Variants in UTS2B observed in about 807,000 individuals in gnomAD.
The protein encoded by UTS2B is urotensin-2B.
In UTS2B, 21 loss-of-function variants were observed where a neutral mutation model predicts 19.2. The ratio of observed to expected loss-of-function variants is 1.09; its 90% CI spans 0.78 to 1.58. The LOEUF is 1.58. UTS2B is among the 40% of genes most tolerant of loss of function. The pLI is 0.00. For synonymous variants in UTS2B, 57 were observed against 50.2 expected (o/e 1.14, Z -0.58); for missense variants, 138 against 130.3 (o/e 1.06, Z -0.29).
the UTS2B span, among the ~76,000 whole-genome samples, chr3:191,341,463 A>G: frequency 1.1e-4 from 16 of 152,296 alleles, no homozygotes; most frequent in African/African-American, 3.4e-4. Context: ...TCTGTACTCA[A>G]GATACTCACA....
At chr3:191,330,079 T>C (rs921847328) in intron 1 of UTS2B, among the ~76,000 whole-genome samples, 1 of 152,116 alleles carries the variant, frequency 6.6e-6, no homozygotes, top group Non-Finnish European at 1.5e-5. Flanking sequence ...AGGCCCAGCC[T>C]GGCTGGCTTG....
At chr3:191,277,957 T>C in intron 6 of UTS2B, 115 bp downstream of exon 6, 2 of 564,450 alleles carry the variant, frequency 3.5e-6, no homozygotes, top group Non-Finnish European at 6.1e-6. Flanking sequence ...TAGTGTAGCA[T>C]ATAAAAGAGT....
In UTS2B at chr3:191,296,346, CT is replaced by C. The variant is rs1343806560; in HGVS notation, c.-125+8145del. Among the ~76,000 whole-genome samples the C allele has an allele frequency of 7.2e-5, 11 of 152,276 alleles. No individual in the cohort carries two copies. In the East Asian group the frequency reaches 1.5e-3, roughly 21 times the overall value. On this transcript the variant is annotated intron_variant, in intron 4 of 8. Coordinates refer to ENST00000340524, the MANE Select transcript of UTS2B (RefSeq NM_198152.5). ...TGTGGCTTCTTCAACAAAATCTCCCCTGATTTCTCCAGATTAAGCAGGTCAT... is the reference window on the plus strand; with the variant it reads ...TGTGGCTTCTTCAACAAAATCTCCCCGATTTCTCCAGATTAAGCAGGTCAT...
At chr3:191,319,829 C>G (rs982771199) in intron 2 of UTS2B, among the ~76,000 whole-genome samples, 1 of 148,860 alleles carries the variant, frequency 6.7e-6, no homozygotes, top group Non-Finnish European at 1.5e-5. Flanking sequence ...GATCGCGCCA[C>G]TGCACACCAG....
At chr3:191,300,255 G>A (rs777392167) in intron 4 of UTS2B, among the ~76,000 whole-genome samples, 1 of 151,706 alleles carries the variant, frequency 6.6e-6, no homozygotes, top group Non-Finnish European at 1.5e-5. Flanking sequence ...TCACCATGTT[G>A]GCCAGGCTGG....
intron 4 of UTS2B, among the ~76,000 whole-genome samples, chr3:191,297,101 A>G (rs182028186): frequency 5.9e-5 from 9 of 152,278 alleles, no homozygotes; most frequent in African/African-American, 2.2e-4. Flanking sequence ...GCCTTCCTAT[A>G]ACTTCTGTGC....
intron 3 of UTS2B, among the ~76,000 whole-genome samples, chr3:191,314,037 C>A (rs1271259662): frequency 6.6e-6 from 1 of 152,120 alleles, no homozygotes; most frequent in Non-Finnish European, 1.5e-5. Context: ...GGCCCCTCCA[C>A]TTGTTTTCTG....
At chr3:191,270,401 T>C (rs904906323) in intron 8 of UTS2B, among the ~76,000 whole-genome samples, 19 of 152,166 alleles carry the variant, frequency 1.2e-4, no homozygotes, top group African/African-American at 4.6e-4. Flanking sequence ...CCTCCCTATA[T>C]TGGCCAGGCT....
intron 5 of UTS2B, among the ~76,000 whole-genome samples, chr3:191,279,626 A>T (rs80060783): frequency 0.13 from 20,377 of 152,024 alleles, 1,773 homozygotes; most frequent in Admixed American, 0.19. Flanking sequence ...ATTCCTCTGC[A>T]TAGTTAAGTG....
intron 2 of UTS2B, among the ~76,000 whole-genome samples, chr3:191,317,335 C>T (rs1717489652): frequency 6.6e-6 from 1 of 152,220 alleles, no homozygotes; most frequent in South Asian, 2.1e-4. Flanking sequence ...GGAACTCGTG[C>T]TAGCCCGCAA....
chr3:191,300,092 C>T (rs187824089), intron 4 of UTS2B, among the ~76,000 whole-genome samples: 64 of 151,934 alleles, frequency 4.2e-4, no homozygotes, highest in African/African-American at 1.3e-3. Flanking sequence ...GCTCTTTCAC[C>T]CAGGCTGGAG....
the UTS2B span, among the ~76,000 whole-genome samples, chr3:191,341,372 G>C: frequency 6.6e-6 from 1 of 152,086 alleles, no homozygotes; most frequent in South Asian, 2.1e-4. Context: ...TTATTTTACA[G>C]ATGAGGAACC....
chr3:191,300,553 A>G (rs541443981), intron 4 of UTS2B, among the ~76,000 whole-genome samples: 220 of 152,334 alleles, frequency 1.4e-3, no homozygotes, highest in Non-Finnish European at 2.5e-3. Context: ...GGGACTGCTG[A>G]GAAGGGATGG....
intron 8 of UTS2B, among the ~76,000 whole-genome samples, chr3:191,272,392 G>A (rs1459584070): frequency 6.6e-6 from 1 of 152,150 alleles, no homozygotes; most frequent in Non-Finnish European, 1.5e-5. Flanking sequence ...CAACAGCTTG[G>A]GATTCAGATC....
chr3:191,289,933 A>T (rs1716667838), intron 4 of UTS2B, among the ~76,000 whole-genome samples: 2 of 152,220 alleles, frequency 1.3e-5, no homozygotes, highest in Admixed American at 1.3e-4. Flanking sequence ...CTAAAGAAGT[A>T]AATTTTAAGT....
chr3:191,302,160 C>G (rs944233331), intron 4 of UTS2B, among the ~76,000 whole-genome samples: 2 of 152,190 alleles, frequency 1.3e-5, no homozygotes, highest in Non-Finnish European at 2.9e-5. Flanking sequence ...AAAGTCACCT[C>G]CGGCCATCCT....
intron 1 of UTS2B, 88 bp downstream of exon 1, chr3:191,330,326 C>CACACACACACACACAG (rs550009593): frequency 6.8e-6 from 1 of 147,660 alleles, no homozygotes; most frequent in Non-Finnish European, 1.5e-5. Context: ...CACACACACA[C>CACACACACACACACAG]ACAATAGTGA....
intron 3 of UTS2B, among the ~76,000 whole-genome samples, chr3:191,312,817 A>T (rs192040121): frequency 6.6e-6 from 1 of 152,290 alleles, no homozygotes; most frequent in East Asian, 1.9e-4. Flanking sequence ...GCCTGGGGCT[A>T]TAGAGAATAG....
At chr3:191,278,857 AAAT>A (rs1390770187) in intron 5 of UTS2B, among the ~76,000 whole-genome samples, 1 of 152,090 alleles carries the variant, frequency 6.6e-6, no homozygotes. Flanking sequence ...AATTCAATTG[AAAT>A]AATAATTAGT....
Sources: allele counts gnomAD v4.1 joint callset (sites outside exome capture counted in the v4.1 genomes callset), GRCh38; gene constraint gnomAD v4.1.1; transcripts MANE v1.5; gene names NCBI Gene and HGNC (gene_info 2026-07-23, HGNC 2026-07-21).